DYSF: variants seen among roughly 807,000 people sequenced by gnomAD.
DYSF encodes dysferlin.
DYSF carries 212 observed loss-of-function variants against 274.9 expected under a neutral mutation model. That is an observed-to-expected ratio of 0.77 (90% confidence interval 0.69 to 0.86). The LOEUF is 0.86. Ranked by LOEUF, DYSF falls within the 40% of genes least tolerant of loss-of-function variation. The pLI is 0.00. For synonymous variants in DYSF, 1,091 were observed against 1,078.7 expected (o/e 1.01, Z -0.22); for missense variants, 2,666 against 2,783.2 (o/e 0.96, Z 0.95).
At chr2:71,630,203 T>A (rs2094289802) in intron 41 of DYSF, among the ~76,000 whole-genome samples, 1 of 152,150 alleles carries the variant, frequency 6.6e-6, no homozygotes, top group Admixed American at 6.5e-5. Flanking sequence ...AAGGAAATAG[T>A]TTAGATTTGC....
intron 41 of DYSF, among the ~76,000 whole-genome samples, chr2:71,624,522 T>C (rs1238836264): frequency 3.9e-5 from 6 of 152,202 alleles, no homozygotes; most frequent in African/African-American, 9.7e-5. Context: ...ATGATAATTA[T>C]TGTTGCTGAA....
intron 14 of DYSF, among the ~76,000 whole-genome samples, chr2:71,529,746 G>T (rs1416322408): frequency 6.6e-6 from 1 of 152,176 alleles, no homozygotes; most frequent in African/African-American, 2.4e-5. Flanking sequence ...AGCATCCATT[G>T]ACCTTCCTGT....
chr2:71,480,744 G>A lies in DYSF; in HGVS notation c.92-139G>A, dbSNP rs185159708. ...TTGGGGATTCATTGCAGACTGGCGG[G>A]TTCTCAGGGAATCTGTTGATTTTGT... is the stretch of plus-strand genomic sequence containing the variant. On this transcript the variant is annotated intron_variant, in intron 1 of 55. Coordinates refer to ENST00000410020, the MANE Select transcript of DYSF (RefSeq NM_001130987.2). The A allele has an allele frequency of 3.9e-5, 30 of 761,978 alleles. 1 individual carries two copies. In the African/African-American group the frequency reaches 5.0e-4, roughly 13 times the overall value. The allele number at this position is 761,978 out of a possible 1,614,324, so 47.2% of individuals were successfully genotyped here.
intron 55 of DYSF, 45 bp from the exon 56 acceptor site, chr2:71,686,409 C>T (rs1164912051): frequency 6.8e-6 from 11 of 1,611,310 alleles, no homozygotes; most frequent in Non-Finnish European, 9.3e-6. Context: ...GCTGTGCCTG[C>T]CCCAGTGGGA....
Position 71,611,461 on chromosome 2 carries a change from T to C in DYSF, c.4060-4T>C. On this transcript the variant is annotated splice_polypyrimidine_tract_variant and splice_region_variant and intron_variant, in intron 37 of 55. Coordinates refer to ENST00000410020, the MANE Select transcript of DYSF (RefSeq NM_001130987.2). Reference sequence around the variant, plus strand: ...GAGCCACTCTCCTCATTCTGTGTGCTTAGATCCTGGCATGGGGCCTGCGGA... The same window carrying C: ...GAGCCACTCTCCTCATTCTGTGTGCCTAGATCCTGGCATGGGGCCTGCGGA... 1.2e-6 allele frequency: 2 copies of C among 1,614,140 alleles called. No individual in the cohort carries two copies. The highest frequency in any genetic ancestry group is 2.7e-5 in the African/African-American group (2 of 75,042).
intron 33 of DYSF, 76 bp downstream of exon 33, chr2:71,598,821 TG>T: frequency 6.4e-7 from 1 of 1,563,632 alleles, no homozygotes; most frequent in Non-Finnish European, 8.7e-7. Flanking sequence ...CAGGGACTCG[TG>T]GCTGCCCAGC....
chr2:71,625,493 T>C, intron 41 of DYSF, among the ~76,000 whole-genome samples: 1 of 152,146 alleles, frequency 6.6e-6, no homozygotes, highest in East Asian at 1.9e-4. Flanking sequence ...AAGTGTGGGC[T>C]ATTTGTGGGC....
chr2:71,497,050 G>A (rs1573522585), intron 3 of DYSF, among the ~76,000 whole-genome samples: 1 of 152,166 alleles, frequency 6.6e-6, no homozygotes, highest in African/African-American at 2.4e-5. Context: ...CTGTGAGGTG[G>A]ACTGAACTAA....
intron 3 of DYSF, among the ~76,000 whole-genome samples, chr2:71,488,279 T>A (rs2083519583): frequency 6.6e-6 from 1 of 152,210 alleles, no homozygotes; most frequent in Non-Finnish European, 1.5e-5. Flanking sequence ...TTAAACTGGC[T>A]TCATTTAATT....
intron 32 of DYSF, among the ~76,000 whole-genome samples, chr2:71,590,852 C>G (rs1346055910): frequency 6.6e-6 from 1 of 152,180 alleles, no homozygotes; most frequent in Non-Finnish European, 1.5e-5. Flanking sequence ...CCTCCTGAAT[C>G]CCTCTCAGAT....
At chr2:71,670,330 AC>A (rs1210935725) in intron 51 of DYSF, among the ~76,000 whole-genome samples, 3 of 152,218 alleles carry the variant, frequency 2.0e-5, no homozygotes, top group Non-Finnish European at 2.9e-5. Context: ...GAGTAGGGAC[AC>A]CCAGCATGGC....
At chr2:71,572,662 C>T (rs891595663) in intron 29 of DYSF, among the ~76,000 whole-genome samples, 2 of 152,230 alleles carry the variant, frequency 1.3e-5, no homozygotes, top group Non-Finnish European at 2.9e-5. Context: ...GGAGGCAGGG[C>T]TGGGCTTTGT....
intron 55 of DYSF, among the ~76,000 whole-genome samples, chr2:71,685,681 C>T (rs544582245): frequency 8.5e-5 from 13 of 152,328 alleles, no homozygotes; most frequent in Non-Finnish European, 1.6e-4. Context: ...TCAGCTTCCC[C>T]CTCAGAGCCA....
At chr2:71,538,557 C>T (rs1253405945) in intron 16 of DYSF, among the ~76,000 whole-genome samples, 1 of 152,174 alleles carries the variant, frequency 6.6e-6, no homozygotes, top group Admixed American at 6.5e-5. Flanking sequence ...CTCATGGGTG[C>T]AACAGAGATA....
At chr2:71,671,488 G>T (rs905758428) in intron 51 of DYSF, among the ~76,000 whole-genome samples, 1 of 152,264 alleles carries the variant, frequency 6.6e-6, no homozygotes, top group Non-Finnish European at 1.5e-5. Context: ...ACCTACAAGG[G>T]CTGGAGACTG....
At position 71,659,038 on chromosome 2, in the gene DYSF, C is replaced by A. The variant is rs971480261; in HGVS notation, c.4911+5C>A. On this transcript the variant is annotated splice_donor_5th_base_variant and intron_variant, in intron 44 of 55. Transcript: ENST00000410020. The stretch of plus-strand genomic sequence containing the variant: ...CCCAAGGACCCCAATGGAAAGGTAA[C>A]TTTCCTAGAGCCCTCACCTCCCCCA... The A allele has an allele frequency of 6.2e-7, 1 of 1,614,116 alleles. No individual in the cohort carries two copies. Among genetic ancestry groups the A allele is most frequent in the Non-Finnish European group, 8.5e-7 (1 of 1,180,008 alleles).
intron 41 of DYSF, among the ~76,000 whole-genome samples, chr2:71,621,849 C>T (rs1036832472): frequency 1.6e-4 from 24 of 151,948 alleles, no homozygotes; most frequent in Admixed American, 7.9e-4. Flanking sequence ...TTAGTAGAGA[C>T]GGGGTTTCAC....
At chr2:71,645,659 G>A (rs1157291198) in intron 42 of DYSF, among the ~76,000 whole-genome samples, 3 of 151,862 alleles carry the variant, frequency 2.0e-5, no homozygotes, top group Middle Eastern at 3.4e-3. Context: ...GCACAGGCCC[G>A]GGGGATGAAG....
At chr2:71,459,243 C>T (rs2081188887) in intron 1 of DYSF, among the ~76,000 whole-genome samples, 1 of 152,184 alleles carries the variant, frequency 6.6e-6, no homozygotes, top group African/African-American at 2.4e-5. Flanking sequence ...TTGTTTGCCT[C>T]CTGGCACCCC....
Sources: allele counts gnomAD v4.1 joint callset (sites outside exome capture counted in the v4.1 genomes callset), GRCh38; gene constraint gnomAD v4.1.1; transcripts MANE v1.5; gene names NCBI Gene and HGNC (gene_info 2026-07-23, HGNC 2026-07-21).